The following C10orf53 variants were observed in gnomAD, a reference collection of about 807,000 sequenced individuals.
C10orf53 encodes UPF0728 protein C10orf53.
In C10orf53, 8 loss-of-function variants were observed where a neutral mutation model predicts 9.4. That is an observed-to-expected ratio of 0.85 (90% CI 0.50 to 1.53). The LOEUF is 1.53. C10orf53 is among the 40% of genes most tolerant of loss of function. The probability of loss-of-function intolerance (pLI) is 0.00; values close to 1 mark genes in which losing one functional copy is unlikely to be tolerated. For synonymous variants in C10orf53, 48 were observed against 46.0 expected (o/e 1.04, Z -0.18); for missense variants, 117 against 117.8 (o/e 0.99, Z 0.03).
chr10:49,694,150 C>G, intron 2 of C10orf53: 2 of 589,872 alleles, frequency 3.4e-6, no homozygotes, highest in Non-Finnish European at 5.9e-6. Flanking sequence ...CCCTGGACTT[C>G]GAGGGATGTG....
chr10:49,680,814 G>A (rs941209080), intron 1 of C10orf53, among the ~76,000 whole-genome samples: 6 of 152,290 alleles, frequency 3.9e-5, no homozygotes, highest in South Asian at 2.1e-4. Flanking sequence ...AATGTTATCC[G>A]GATCTAATCA....
At chr10:49,708,748 C>T in exon 3 of C10orf53, 1 of 1,372,210 alleles carries the variant, frequency 7.3e-7, no homozygotes, top group Non-Finnish European at 9.8e-7. Flanking sequence ...CCGAACCTCT[C>T]CAGCTAGATG....
chr10:49,691,295 A>G (rs972419042), intron 1 of C10orf53, among the ~76,000 whole-genome samples: 2 of 152,176 alleles, frequency 1.3e-5, no homozygotes, highest in African/African-American at 4.8e-5. Flanking sequence ...TGGGAAGGGA[A>G]TGTCCTGGGG....
downstream of C10orf53, among the ~76,000 whole-genome samples, chr10:49,698,047 T>C (rs10776587): frequency 0.54 from 81,887 of 152,016 alleles, 22,323 homozygotes; most frequent in Middle Eastern, 0.57. Flanking sequence ...TCCCAGTGTT[T>C]TGGGAAGCCA....
At chr10:49,699,209 T>TTTTTTC, downstream of C10orf53, among the ~76,000 whole-genome samples, 1 of 139,440 alleles carries the variant, frequency 7.2e-6, no homozygotes, top group Non-Finnish European at 1.5e-5. Flanking sequence ...TTTTTTTTTT[T>TTTTTTC]TTTTTGACAA....
At chr10:49,707,488 A>G (rs1840731101) in intron 2 of C10orf53, among the ~76,000 whole-genome samples, 1 of 152,174 alleles carries the variant, frequency 6.6e-6, no homozygotes, top group South Asian at 2.1e-4. Context: ...GTTCAGGCAA[A>G]AATTCTCAGG....
chr10:49,694,738 C>T lies in C10orf53; in HGVS notation c.*136C>T. The T allele has an allele frequency of 6.8e-7, 1 of 1,468,584 alleles. No homozygotes were observed. The highest frequency in any genetic ancestry group is 9.0e-7 in the Non-Finnish European group (1 of 1,110,698). The allele number at this position is 1,468,584 out of a possible 1,614,324, so 91.0% of individuals were successfully genotyped here. A position where few individuals can be genotyped will look rare whatever the true frequency, so the allele number is the denominator to read the frequency against. On this transcript the variant is annotated 3_prime_UTR_variant, in exon 3 of 3. Transcript: ENST00000374111. ...CAGAACAGGGCAACTCGGGCCTGAC[C>T]TCCAGCTTACGCAGCCTCAGGATTG...
At chr10:49,693,012 A>G (rs1023717463) in intron 1 of C10orf53, among the ~76,000 whole-genome samples, 1 of 152,212 alleles carries the variant, frequency 6.6e-6, no homozygotes, top group Non-Finnish European at 1.5e-5. Context: ...TATTTTCTTC[A>G]TCCTTACATA....
chr10:49,679,962 AGTGGGAAGGCTC>A (rs1840464249), intron 1 of C10orf53, among the ~76,000 whole-genome samples, 168 bp downstream of exon 1: 1 of 152,210 alleles, frequency 6.6e-6, no homozygotes, highest in Admixed American at 6.5e-5. Context: ...GGGCTAAAAG[AGTGGGAAGGCTC>A]TTCTATCCAA....
rs758685961 is a variant in C10orf53 at position 49,694,646 on chromosome 10, G to T, written c.*44G>T. On this transcript the variant is annotated 3_prime_UTR_variant, in exon 3 of 3. Transcript: ENST00000374111. ...ATCTCAAGTCGGCACAACAGCAGCT[G>T]CCCCAGCCATTCTATGATGCAGGCA... 6.2e-7 allele frequency: 1 copy of T among 1,612,568 alleles called. No individual in the cohort carries two copies. The highest frequency in any genetic ancestry group is 1.1e-5 in the South Asian group (1 of 90,980).
chr10:49,691,800 C>A (rs1840586937), intron 1 of C10orf53, among the ~76,000 whole-genome samples: 2 of 152,232 alleles, frequency 1.3e-5, no homozygotes, highest in African/African-American at 4.8e-5. Flanking sequence ...CTGGGGCCTC[C>A]ACCCGTAGGG....
chr10:49,705,828 C>T (rs1213910439), intron 2 of C10orf53, among the ~76,000 whole-genome samples: 6 of 150,332 alleles, frequency 4.0e-5, no homozygotes, highest in East Asian at 1.9e-4. Context: ...ACCAAGAAAA[C>T]GAAAAAATAA....
rs1031238228 is a variant in C10orf53, at chr10:49,695,623, A to G, written c.*1021A>G. 6.6e-6 allele frequency: 1 copy of G among 152,170 alleles called. No individual in the cohort carries two copies. The highest frequency in any genetic ancestry group is 1.5e-5 in the Non-Finnish European group (1 of 68,098). The allele number at this position is 152,170 out of a possible 1,614,324, so 9.4% of individuals were successfully genotyped here. On this transcript the variant is annotated 3_prime_UTR_variant, in exon 3 of 3. Coordinates refer to ENST00000374111, the MANE Select transcript of C10orf53 (RefSeq NM_001042427.3). Reference sequence around the variant, plus strand: ...TAACCATCGCCCCAGGCAGCCTCAAACCCTCCTGCACCCCAGAACTTCAAA... The same window carrying G: ...TAACCATCGCCCCAGGCAGCCTCAAGCCCTCCTGCACCCCAGAACTTCAAA...
chr10:49,692,648 C>G (rs889583379), intron 1 of C10orf53, among the ~76,000 whole-genome samples: 4 of 152,198 alleles, frequency 2.6e-5, no homozygotes, highest in Admixed American at 1.3e-4. Flanking sequence ...GGCACACCCA[C>G]TCTAATATTG....
chr10:49,694,495 G>T (rs1007756048), intron 2 of C10orf53, 43 bp from the exon 3 acceptor site: 29 of 1,611,740 alleles, frequency 1.8e-5, no homozygotes, highest in Admixed American at 5.0e-5. Context: ...ATAACAAATT[G>T]TATATAAAGC....
chr10:49,686,652 G>C (rs980525231), intron 1 of C10orf53, among the ~76,000 whole-genome samples: 1 of 152,178 alleles, frequency 6.6e-6, no homozygotes, highest in African/African-American at 2.4e-5. Flanking sequence ...ATGCGGTTGA[G>C]ATAAGGACTG....
chr10:49,688,440 C>A (rs1327841607), intron 1 of C10orf53, among the ~76,000 whole-genome samples: 2 of 152,098 alleles, frequency 1.3e-5, no homozygotes, highest in African/African-American at 4.8e-5. Flanking sequence ...TCCTGACTTC[C>A]CTGCAACCCT....
downstream of C10orf53, among the ~76,000 whole-genome samples, chr10:49,699,547 A>T (rs1840665334): frequency 6.6e-6 from 1 of 151,858 alleles, no homozygotes. Context: ...CAAAACAACC[A>T]CATTTGTAGC....
chr10:49,688,482 G>A (rs1375070006), intron 1 of C10orf53, among the ~76,000 whole-genome samples: 4 of 151,976 alleles, frequency 2.6e-5, no homozygotes, highest in Non-Finnish European at 5.9e-5. Flanking sequence ...CAGTAACACA[G>A]CCAGCTGATA....
Sources: allele counts gnomAD v4.1 joint callset (sites outside exome capture counted in the v4.1 genomes callset), GRCh38; gene constraint gnomAD v4.1.1; transcripts MANE v1.5; gene names NCBI Gene and HGNC (gene_info 2026-07-23, HGNC 2026-07-21).